FREM1: variants seen among roughly 807,000 people sequenced by gnomAD.
The protein encoded by FREM1 is FRAS1-related extracellular matrix protein 1.
A neutral mutation model predicts 210.1 loss-of-function variants in FREM1; 220 were observed. The observed-to-expected ratio is 1.05, with a 90% CI of 0.94 to 1.17. The LOEUF (loss-of-function observed/expected upper bound fraction) is 1.17, where lower values mean the gene tolerates loss of function less well. FREM1 is among the 50% of genes most tolerant of loss of function. The pLI, the probability that FREM1 is intolerant of heterozygous loss-of-function variation, is 0.00. For missense variants in FREM1, 3,454 were observed against 2,675.5 expected (o/e 1.29, Z -6.42); for synonymous variants, 1,189 against 980.2 (o/e 1.21, Z -3.98).
intron 7 of FREM1, 77 bp downstream of exon 7, chr9:14,848,588 C>A (rs139355413): frequency 5.1e-5 from 38 of 752,066 alleles, no homozygotes; most frequent in Non-Finnish European, 7.9e-5. Context: ...AATAAAACTA[C>A]CTTTCTTTCC....
At chr9:14,800,105 A>C (rs1291937526) in intron 20 of FREM1, among the ~76,000 whole-genome samples, 1 of 152,068 alleles carries the variant, frequency 6.6e-6, no homozygotes, top group Non-Finnish European at 1.5e-5. Flanking sequence ...CAACAATTAC[A>C]AAAAAACCTT....
intron 1 of FREM1, among the ~76,000 whole-genome samples, chr9:14,874,111 G>C (rs1484461314): frequency 6.6e-6 from 1 of 152,156 alleles, no homozygotes; most frequent in African/African-American, 2.4e-5. Context: ...TTTGGAATAG[G>C]TGTGGTGTGG....
At chr9:14,764,988 G>A (rs1846127089) in intron 27 of FREM1, among the ~76,000 whole-genome samples, 2 of 152,100 alleles carry the variant, frequency 1.3e-5, no homozygotes, top group South Asian at 4.1e-4. Flanking sequence ...TGATAAGTCT[G>A]TACTTCAAAG....
intron 34 of FREM1, 26 bp downstream of exon 34, chr9:14,746,897 G>A: frequency 6.2e-7 from 1 of 1,608,976 alleles, no homozygotes; most frequent in South Asian, 1.1e-5. Context: ...GAATAAAGGT[G>A]CTTGGCTGCT....
In FREM1 at chr9:14,800,429, T is replaced by C. The variant is rs79729541; in HGVS notation, c.3694+1223A>G. On this transcript the variant is annotated intron_variant, in intron 20 of 36. Transcript: ENST00000380880. ...GTATTTTCATATGTGAAAAGTGGGA[T>C]AAGATTGAATTTTTTAAAAGAGTAA... is the stretch of plus-strand genomic sequence containing the variant. 4.0e-3 allele frequency among the ~76,000 whole-genome samples: 614 copies of C among 152,354 alleles called. 2 individuals are homozygous for C. The highest frequency in any genetic ancestry group is 3.5e-3 in the Non-Finnish European group (241 of 68,032).
rs767099396 is a variant in FREM1, at chr9:14,807,948, A to G, written c.3080T>C (p.Ile1027Thr). The G allele has an allele frequency of 9.9e-6, 16 of 1,611,586 alleles. No homozygotes were observed. The South Asian group carries it at 1.8e-4, about 18-fold the overall frequency. The change falls in exon 17 of 37, where the codon ATT becomes ACT. Residue 1027 changes from isoleucine (I) to threonine (T), a missense_variant. Physicochemically the swap from Ile to Thr is moderately conservative, Grantham distance 89 (BLOSUM62 -1). Coordinates refer to ENST00000380880, the MANE Select transcript of FREM1 (RefSeq NM_001379081.2). Reference protein sequence around the residue: ...VYPVDNQPPSIAIGPVFVVDE... With the variant: ...VYPVDNQPPSTAIGPVFVVDE... ...AAAAAACACATTGTCACCTATTGCA[A>G]TGGAAGGTGGCTGGTTGTCTACTGG...
intron 1 of FREM1, among the ~76,000 whole-genome samples, chr9:14,892,992 A>C (rs958476493): frequency 1.3e-4 from 20 of 152,160 alleles, no homozygotes; most frequent in African/African-American, 4.8e-4. Context: ...ACTAGGTGCT[A>C]AGCAGAGGGG....
intron 4 of FREM1, among the ~76,000 whole-genome samples, chr9:14,858,100 T>G (rs1829120742): frequency 6.6e-6 from 1 of 152,152 alleles, no homozygotes; most frequent in Non-Finnish European, 1.5e-5. Flanking sequence ...CAGAATCAGC[T>G]TCCATGTCTC....
rs1588366914 is a variant in FREM1, at chr9:14,851,509, C to G, written c.927G>C (p.Gln309His). ...FMAVFILEVD[Q>H]FILTSLTTSV... Reference sequence around the variant, plus strand: ...ATGTAGTCAAGGAGGTCAGGATGAACTGATCCACTTCCAGAATAAACACGG... The same window carrying G: ...ATGTAGTCAAGGAGGTCAGGATGAAGTGATCCACTTCCAGAATAAACACGG... Residue 309 changes from glutamine (Q) to histidine (H), a missense_variant, in exon 6 of 37, where the codon CAG becomes CAC. Transcript: ENST00000380880. The G allele has an allele frequency of 6.2e-7, 1 of 1,613,976 alleles. No individual in the cohort carries two copies. Among genetic ancestry groups the G allele is most frequent in the African/African-American group, 1.3e-5 (1 of 75,060 alleles).
intron 1 of FREM1, among the ~76,000 whole-genome samples, chr9:14,885,517 T>C (rs1353876785): frequency 1.3e-5 from 2 of 152,170 alleles, no homozygotes; most frequent in Non-Finnish European, 2.9e-5. Flanking sequence ...ATTCCTGGGC[T>C]CAAGCAAGCC....
chr9:14,859,741 C>T (rs1471828894), intron 3 of FREM1, among the ~76,000 whole-genome samples: 2 of 152,148 alleles, frequency 1.3e-5, no homozygotes, highest in Non-Finnish European at 2.9e-5. Flanking sequence ...TCATCATGCA[C>T]GTGGATATTT....
chr9:14,855,096 TG>T (rs1434771036), intron 5 of FREM1, among the ~76,000 whole-genome samples: 1 of 152,036 alleles, frequency 6.6e-6, no homozygotes, highest in Non-Finnish European at 1.5e-5. Flanking sequence ...TAAGTCTAGG[TG>T]ATAATGGCCA....
intron 10 of FREM1, among the ~76,000 whole-genome samples, chr9:14,827,252 C>T (rs1023036958): frequency 6.6e-6 from 1 of 152,060 alleles, no homozygotes; most frequent in African/African-American, 2.4e-5. Context: ...ACAGTAAAGG[C>T]CCTTCTGATA....
Position 14,784,357 on chromosome 9 carries a change from C to A in FREM1, c.4442+13G>T, listed in dbSNP as rs1336349901. On this transcript the variant is annotated intron_variant, in intron 24 of 36. Coordinates refer to ENST00000380880, the MANE Select transcript of FREM1 (RefSeq NM_001379081.2). ...TCCAAAGAAGGGGTTTGAAAAGTTT[C>A]CATGGGGCTCACCTGAATCTGTCAC... 1.2e-6 allele frequency: 2 copies of A among 1,607,884 alleles called. No homozygotes were observed. Among genetic ancestry groups the A allele is most frequent in the Non-Finnish European group, 8.5e-7 (1 of 1,175,712 alleles).
chr9:14,771,583 G>A (rs1257772412), intron 25 of FREM1, among the ~76,000 whole-genome samples: 1 of 152,092 alleles, frequency 6.6e-6, no homozygotes, highest in East Asian at 1.9e-4. Context: ...GTTATGGATG[G>A]AGCAGGTTTG....
intron 25 of FREM1, among the ~76,000 whole-genome samples, chr9:14,774,519 CT>C (rs1728012215): frequency 8.3e-5 from 1 of 12,092 alleles, no homozygotes; most frequent in Admixed American, 6.3e-4. Flanking sequence ...AAATCTCTCT[CT>C]CTCTCTCTCT....
At chr9:14,840,042 G>A (rs1019957702) in intron 10 of FREM1, among the ~76,000 whole-genome samples, 1 of 152,118 alleles carries the variant, frequency 6.6e-6, no homozygotes, top group African/African-American at 2.4e-5. Flanking sequence ...TTCTTAATAG[G>A]GATTACCTAT....
At chr9:14,823,086 C>T in intron 13 of FREM1, 74 bp downstream of exon 13, 1 of 1,127,898 alleles carries the variant, frequency 8.9e-7, no homozygotes, top group Non-Finnish European at 1.2e-6. Flanking sequence ...AGGAAAGTTA[C>T]CATTTCTAGT....
chr9:14,841,812 A>T (rs1162493097), intron 9 of FREM1, among the ~76,000 whole-genome samples: 2 of 152,234 alleles, frequency 1.3e-5, no homozygotes, highest in Non-Finnish European at 2.9e-5. Context: ...ATATATGGAA[A>T]AATTAGCATT....
Sources: allele counts gnomAD v4.1 joint callset (sites outside exome capture counted in the v4.1 genomes callset), GRCh38; gene constraint gnomAD v4.1.1; transcripts MANE v1.5; gene names NCBI Gene and HGNC (gene_info 2026-07-23, HGNC 2026-07-21).